The following TRIP12 variants were observed in gnomAD, a reference collection of about 807,000 sequenced individuals.
TRIP12 encodes thyroid hormone receptor interactor 12.
TRIP12 carries 25 observed loss-of-function variants against 244.2 expected under a neutral mutation model. The observed-to-expected ratio is 0.10, with a 90% CI of 0.07 to 0.14. The LOEUF (loss-of-function observed/expected upper bound fraction) is 0.14. Ranked by LOEUF, TRIP12 falls within the 10% of genes least tolerant of loss-of-function variation. The pLI is 1.00. For missense variants in TRIP12, 1,677 were observed against 2,486.4 expected, an observed-to-expected ratio of 0.67 and a Z score of 6.92; for synonymous variants, 905 against 873.1, an observed-to-expected ratio of 1.04 and a Z score of -0.64.
chr2:229,898,641 T>C (rs1267653384), intron 1 of TRIP12, among the ~76,000 whole-genome samples: 1 of 152,184 alleles, frequency 6.6e-6, no homozygotes, highest in Non-Finnish European at 1.5e-5. Context: ...TAAGTGATAA[T>C]ACACAGTATA....
chr2:229,794,997 G>T (rs779829105), intron 26 of TRIP12, 182 bp downstream of exon 26: 14 of 571,004 alleles, frequency 2.5e-5, no homozygotes, highest in Admixed American at 3.6e-5. Flanking sequence ...TAAGGCATAT[G>T]GTATAATTTT....
At chr2:229,879,892 A>C in intron 2 of TRIP12, 90 bp downstream of exon 2, 1 of 1,391,990 alleles carries the variant, frequency 7.2e-7, no homozygotes, top group Non-Finnish European at 1.0e-6. Context: ...ATATGCAATG[A>C]ACCATTCAAG....
chr2:229,865,956 C>T (rs1356888420), intron 2 of TRIP12, among the ~76,000 whole-genome samples: 1 of 152,120 alleles, frequency 6.6e-6, no homozygotes, highest in Non-Finnish European at 1.5e-5. Flanking sequence ...TTCTAAACAG[C>T]AAAAATACTG....
At chr2:229,783,247 G>C (rs373217888) in intron 34 of TRIP12, among the ~76,000 whole-genome samples, 16 of 152,322 alleles carry the variant, frequency 1.1e-4, no homozygotes, top group African/African-American at 3.9e-4. Flanking sequence ...TGACTATAAA[G>C]GTTCACTGGA....
At chr2:229,816,437 T>G (rs1191864438) in intron 9 of TRIP12, among the ~76,000 whole-genome samples, 3 of 152,136 alleles carry the variant, frequency 2.0e-5, no homozygotes, top group African/African-American at 7.2e-5. Context: ...CCCCAATTAT[T>G]AAATAACCTT....
chr2:229,792,078 A>C lies in TRIP12; in HGVS notation c.4216-13T>G. The C allele has an allele frequency of 6.2e-7, 1 of 1,614,006 alleles. No individual in the cohort carries two copies. ...GGAACTGAGCAGCCTGAATAAAGCAAAGCAAAAGCCATTTAAGCCAAAGGC... is the reference window on the plus strand; with the variant it reads ...GGAACTGAGCAGCCTGAATAAAGCACAGCAAAAGCCATTTAAGCCAAAGGC... On this transcript the variant is annotated splice_polypyrimidine_tract_variant and intron_variant, in intron 28 of 41. Coordinates refer to ENST00000675903, the MANE Select transcript of TRIP12 (RefSeq NM_001348323.3).
In TRIP12 at chr2:229,766,095, T is replaced by C. The variant is rs2031632479; in HGVS notation, c.*1459A>G. On this transcript the variant is annotated 3_prime_UTR_variant, in exon 42 of 42. Coordinates refer to ENST00000675903, the MANE Select transcript of TRIP12 (RefSeq NM_001348323.3). ...TACAGAACAGTCAAAAAAATTGATT[T>C]CTCAAAGTTCAATTAAAAAAAAAAA... 1 of 151,714 alleles carries C rather than the reference T, an allele frequency of 6.6e-6. No individual in the cohort carries two copies. The highest frequency in any genetic ancestry group is 1.5e-5 in the Non-Finnish European group (1 of 68,014). 9.4% of individuals were successfully genotyped at this position (151,714 alleles called of 1,614,324 possible).
chr2:229,791,035 C>A, intron 30 of TRIP12, 89 bp downstream of exon 30: 1 of 1,513,172 alleles, frequency 6.6e-7, no homozygotes, highest in Non-Finnish European at 9.0e-7. Flanking sequence ...AAAAATTTTA[C>A]TACTAAATCC....
At chr2:229,832,608 T>A (rs1171474723) in intron 6 of TRIP12, among the ~76,000 whole-genome samples, 1 of 152,218 alleles carries the variant, frequency 6.6e-6, no homozygotes, top group African/African-American at 2.4e-5. Context: ...AGTTTCCTCA[T>A]AACTGTACAA....
intron 18 of TRIP12, 131 bp from the exon 19 acceptor site, chr2:229,804,358 T>A: frequency 1.4e-6 from 1 of 707,496 alleles, no homozygotes; most frequent in Non-Finnish European, 2.3e-6. Flanking sequence ...ATAGAACACA[T>A]GAACTTCTAT....
At chr2:229,806,830 A>G (rs1440687357) in intron 17 of TRIP12, among the ~76,000 whole-genome samples, 1 of 152,238 alleles carries the variant, frequency 6.6e-6, no homozygotes, top group African/African-American at 2.4e-5. Context: ...AGGCACCTTT[A>G]AAGAAGACTG....
In TRIP12 at chr2:229,801,573, T is replaced by A. The variant is rs533775266; in HGVS notation, c.3206+679A>T. Among the ~76,000 whole-genome samples, 8 of 152,326 alleles carry A rather than the reference T, an allele frequency of 5.3e-5. No individual in the cohort carries two copies. In the South Asian group the frequency reaches 1.7e-3, roughly 32 times the overall value. ...GGTTCATCAGGTACCACTCATCTAG[T>A]AATATTAAGCTTCTAATAGCAAGGA... On this transcript the variant is annotated intron_variant, in intron 21 of 41. Coordinates refer to ENST00000675903, the MANE Select transcript of TRIP12 (RefSeq NM_001348323.3).
At position 229,795,271 on chromosome 2, in the gene TRIP12, T is replaced by C. The variant is rs768601438; in HGVS notation, c.3876A>G (p.Ala1292=). ...GGCAGTTGTTCATCTTGTGAACTAA[T>C]GCCAACAAAGGTGCATTACCCACTG... ...VEPVGNAPLL[A]LVHKMNNCLS... Residue 1292 remains alanine, a synonymous_variant, in exon 26 of 42, where the codon GCA becomes GCG. Coordinates refer to ENST00000675903, the MANE Select transcript of TRIP12 (RefSeq NM_001348323.3). 4.3e-6 allele frequency: 7 copies of C among 1,614,014 alleles called. No homozygotes were observed. The highest frequency in any genetic ancestry group is 4.2e-6 in the Non-Finnish European group (5 of 1,180,000).
chr2:229,903,303 G>A (rs544032855), intron 1 of TRIP12, among the ~76,000 whole-genome samples: 3 of 152,132 alleles, frequency 2.0e-5, no homozygotes, highest in Non-Finnish European at 2.9e-5. Flanking sequence ...GAACCATGTC[G>A]TGCAAGGAAA....
intron 4 of TRIP12, 84 bp from the exon 5 acceptor site, chr2:229,841,011 G>A: frequency 1.0e-6 from 1 of 972,618 alleles, no homozygotes; most frequent in East Asian, 2.7e-5. Flanking sequence ...AGGTCATCAT[G>A]TTCAAAACTT....
chr2:229,766,174 T>C lies in TRIP12; in HGVS notation c.*1380A>G, dbSNP rs2031662919. On this transcript the variant is annotated 3_prime_UTR_variant, in exon 42 of 42. Coordinates refer to ENST00000675903, the MANE Select transcript of TRIP12 (RefSeq NM_001348323.3). ...GAATTATGGAAAATTCCTTCAAATT[T>C]ATGCCACAGGCCTAGTTTTGGACCT... 1 of 152,200 alleles carries C rather than the reference T, an allele frequency of 6.6e-6. No homozygotes were observed. The highest frequency in any genetic ancestry group is 1.5e-5 in the Non-Finnish European group (1 of 68,040). 9.4% of individuals were successfully genotyped at this position (152,200 alleles called of 1,614,324 possible).
At chr2:229,823,343 A>C (rs1174984868) in intron 8 of TRIP12, among the ~76,000 whole-genome samples, 7 of 152,106 alleles carry the variant, frequency 4.6e-5, no homozygotes, top group African/African-American at 1.4e-4. Flanking sequence ...CCCATGCTGG[A>C]TTGCAGTAGC....
rs1453484105 is a variant in TRIP12 at position 229,793,075 on chromosome 2, T to C, written c.4039A>G (p.Arg1347Gly). The change falls in exon 27 of 42, where the codon AGG (arginine) becomes GGG (glycine). Residue 1347 changes from arginine (R) to glycine (G), a missense_variant. Coordinates refer to ENST00000675903, the MANE Select transcript of TRIP12 (RefSeq NM_001348323.3). The stretch of plus-strand genomic sequence containing the variant: ...TTCACATTTGCACAGTCTGGATGCC[T>C]TTGTAACTGGCATTTTAATTGATGT... ...NTHQLKCQLQRHPDCANVKQW... is the reference protein window; with the variant it reads ...NTHQLKCQLQGHPDCANVKQW... The C allele has an allele frequency of 3.1e-6, 5 of 1,613,880 alleles. No individual in the cohort carries two copies. In the South Asian group the frequency reaches 4.4e-5, roughly 14 times the overall value.
At chr2:229,850,880 G>A (rs1327308144) in intron 4 of TRIP12, among the ~76,000 whole-genome samples, 12 of 152,236 alleles carry the variant, frequency 7.9e-5, no homozygotes, top group Admixed American at 1.3e-4. Flanking sequence ...TGCGGAGAGT[G>A]TACTGGGTCC....
Sources: gnomAD v4.1 joint callset for allele counts (sites outside exome capture counted in the v4.1 genomes callset) on GRCh38, gnomAD v4.1.1 for gene constraint, MANE v1.5 for transcripts, NCBI Gene and HGNC (gene_info 2026-07-23, HGNC 2026-07-21) for gene names.